The following ZNF836 variants were observed in gnomAD, a reference collection of about 807,000 sequenced individuals.
The protein encoded by ZNF836 is zinc finger protein 836.
Under a neutral mutation model 7.4 loss-of-function variants are expected in ZNF836, and 12 were observed. The observed-to-expected ratio is 1.61, with a 90% CI of 1.03 to 2.61. The LOEUF (loss-of-function observed/expected upper bound fraction) is 2.61. Ranked by LOEUF, ZNF836 falls within the 30% of genes most tolerant of loss-of-function variation. ZNF836 has a pLI of 0.00. For missense variants in ZNF836, 998 were observed against 1,126.2 expected, an observed-to-expected ratio of 0.89 and a Z score of 1.63; for synonymous variants, 365 against 382.6, an observed-to-expected ratio of 0.95 and a Z score of 0.54.
rs757835713 is a variant in ZNF836 at position 52,156,444 on chromosome 19, A to G, written c.1239T>C (p.Pro413=). 1 of 1,614,034 alleles carries G rather than the reference A, an allele frequency of 6.2e-7. No individual in the cohort carries two copies. Among genetic ancestry groups the G allele is most frequent in the Non-Finnish European group, 8.5e-7 (1 of 1,180,012 alleles). The change falls in exon 5 of 5, where the codon CCT becomes CCC. Residue 413 remains proline (P), a synonymous_variant. Coordinates refer to ENST00000682614, the MANE Select transcript of ZNF836 (RefSeq NM_001102657.3). ...THQTVHSGNK[P]YKCDECGKTF... ...TTTTGCCACACTCATCACATTTGTA[A>G]GGTTTGTTTCCACTATGAACTGTCT...
At position 52,160,562 on chromosome 19, in the gene ZNF836, T is replaced by C; in HGVS notation, c.45A>G (p.Ile15Met). Residue 15 changes from isoleucine (I) to methionine (M), a missense_variant, in exon 4 of 5, where the codon ATA becomes ATG. By Grantham distance (10) the Ile-to-Met change is conservative. Transcript: ENST00000682614. The stretch of plus-strand genomic sequence containing the variant: ...ATTTCCACTCCTCCTGAGAGAATTC[T>C]ATGGCTACATCCCTGAATGTCAAAG... ...QGPLTFRDVAIEFSQEEWKSL... is the reference protein window; with the variant it reads ...QGPLTFRDVAMEFSQEEWKSL... The C allele has an allele frequency of 6.2e-7, 1 of 1,613,354 alleles. No homozygotes were observed. Among genetic ancestry groups the C allele is most frequent in the South Asian group, 1.1e-5 (1 of 90,824 alleles).
chr19:52,159,484 A>G (rs1414870776), intron 4 of ZNF836, among the ~76,000 whole-genome samples: 2 of 152,206 alleles, frequency 1.3e-5, no homozygotes, highest in Non-Finnish European at 2.9e-5. Flanking sequence ...ATAACTGGTC[A>G]CTCCAAATAC....
chr19:52,154,731 G>A lies in ZNF836; in HGVS notation c.*141C>T, dbSNP rs1452904076. 22 of 728,774 alleles carry A rather than the reference G, an allele frequency of 3.0e-5. No homozygotes were observed. In the East Asian group the frequency reaches 5.1e-4, roughly 17 times the overall value. 45.1% of individuals were successfully genotyped at this position (728,774 alleles called of 1,614,324 possible). A position where few individuals can be genotyped will look rare whatever the true frequency, so the allele number is the denominator to read the frequency against. ...TCCCAAGAAGAGCAAAAAGCGGGTGGTGCTAAACCATTCTTGAGAAATCCA... is the reference window on the plus strand; with the variant it reads ...TCCCAAGAAGAGCAAAAAGCGGGTGATGCTAAACCATTCTTGAGAAATCCA... On this transcript the variant is annotated 3_prime_UTR_variant, in exon 5 of 5. Transcript: ENST00000682614.
At chr19:52,169,620 G>T (rs1031555180) in intron 2 of ZNF836, 28 bp downstream of exon 2, 1 of 151,840 alleles carries the variant, frequency 6.6e-6, no homozygotes, top group Non-Finnish European at 1.5e-5. Flanking sequence ...AAAAAAATAA[G>T]ACTCTGAATA....
chr19:52,157,535 G>A lies in ZNF836; in HGVS notation c.148C>T (p.Leu50Phe). Residue 50 changes from leucine (L) to phenylalanine (F), a missense_variant, in exon 5 of 5, where the codon CTT becomes TTT. By Grantham distance (22) the Leu-to-Phe change is conservative (BLOSUM62 0). Transcript: ENST00000682614. ...AATTCCTTGGTCATACATTTAGGAAGGATACCTACAAAATATAATGAACAT... is the reference window on the plus strand; with the variant it reads ...AATTCCTTGGTCATACATTTAGGAAAGATACCTACAAAATATAATGAACAT... ...NYRNLVFLGI[L>F]PKCMTKELPP... 1 of 1,500,076 alleles carries A rather than the reference G, an allele frequency of 6.7e-7. No individual in the cohort carries two copies. Among genetic ancestry groups the A allele is most frequent in the Non-Finnish European group, 8.9e-7 (1 of 1,129,782 alleles). 92.9% of individuals were successfully genotyped at this position (1,500,076 alleles called of 1,614,324 possible).
intron 3 of ZNF836, among the ~76,000 whole-genome samples, chr19:52,163,599 C>T (rs1312556332): frequency 6.6e-6 from 1 of 152,038 alleles, no homozygotes; most frequent in African/African-American, 2.4e-5. Flanking sequence ...ATGGTGAAAC[C>T]CCGTCTCTAC....
At position 52,156,227 on chromosome 19, in the gene ZNF836, C is replaced by A. The variant is rs755864983; in HGVS notation, c.1456G>T (p.Val486Leu). The A allele has an allele frequency of 1.2e-6, 2 of 1,613,980 alleles. No individual in the cohort carries two copies. The highest frequency in any genetic ancestry group is 1.3e-5 in the African/African-American group (1 of 74,892). Residue 486 changes from valine to leucine, a missense_variant, in exon 5 of 5, where the codon GTG (valine) becomes TTG (leucine). By Grantham distance (32) the Val-to-Leu change is conservative (BLOSUM62 1). Coordinates refer to ENST00000682614, the MANE Select transcript of ZNF836 (RefSeq NM_001102657.3). ...CCAGTATGAATTCTCCGATGCCCCA[C>A]AAGATGTGAAGTCTGACTGAAGACC... ...GKVFSQTSHL[V>L]GHRRIHTGEK...
Position 52,156,190 on chromosome 19 carries a change from TA to T in ZNF836, c.1492del (p.Tyr498ThrfsTer21). On this transcript the variant is annotated frameshift_variant, in exon 5 of 5. Transcript: ENST00000682614. LOFTEE classifies it low-confidence loss of function (END_TRUNC). ...HRRIHTGEKP[Y>X]KCDKCGKAFK... Reference sequence around the variant, plus strand: ...GGCTTTACCACATTTATCACATTTGTAAGGTTTCTCTCCAGTATGAATTCTC... The same window carrying T: ...GGCTTTACCACATTTATCACATTTGTAGGTTTCTCTCCAGTATGAATTCTC... 1 of 1,614,204 alleles carries T rather than the reference TA, an allele frequency of 6.2e-7. No individual in the cohort carries two copies. The highest frequency in any genetic ancestry group is 8.5e-7 in the Non-Finnish European group (1 of 1,180,036).
rs1249747360 is a variant in ZNF836, at chr19:52,157,126, C to T, written c.557G>A (p.Ser186Asn). Residue 186 changes from serine to asparagine, a missense_variant, in exon 5 of 5, where the codon AGT (serine) becomes AAT (asparagine). Coordinates refer to ENST00000682614, the MANE Select transcript of ZNF836 (RefSeq NM_001102657.3). ...LVSPLQRILPSVQTNISKKYE... is the reference protein window; with the variant it reads ...LVSPLQRILPNVQTNISKKYE... ...TTTTTTAGAAATGTTGGTTTGGACA[C>T]TAGGAAGAATTCTTTGAAGTGGTGA... 1.2e-6 allele frequency: 2 copies of T among 1,613,524 alleles called. No individual in the cohort carries two copies. The highest frequency in any genetic ancestry group is 8.5e-7 in the Non-Finnish European group (1 of 1,179,640).
chr19:52,160,503 T>A lies in ZNF836; in HGVS notation c.104A>T (p.Asp35Val). Reference protein sequence around the residue: ...LDPVQKALYWDVMLENYRNLV... With the variant: ...LDPVQKALYWVVMLENYRNLV... ...GTTCCTGTAGTTCTCCAACATCACA[T>A]CCCAGTACAAAGCTTTCTGCACAGG... Residue 35 changes from aspartate to valine, a missense_variant, in exon 4 of 5, where the codon GAT becomes GTT. Physicochemically the swap from Asp to Val is radical, Grantham distance 152. Transcript: ENST00000682614. 6.2e-7 allele frequency: 1 copy of A among 1,614,138 alleles called. No homozygotes were observed.
At position 52,156,503 on chromosome 19, in the gene ZNF836, A is replaced by G. The variant is rs771209072; in HGVS notation, c.1180T>C (p.Ser394Pro). The G allele has an allele frequency of 1.2e-6, 2 of 1,613,852 alleles. No individual in the cohort carries two copies. Among genetic ancestry groups the G allele is most frequent in the East Asian group, 4.5e-5 (2 of 44,844 alleles). Residue 394 changes from serine to proline, a missense_variant, in exon 5 of 5, where the codon TCC becomes CCC. By Grantham distance (74) the Ser-to-Pro change is moderately conservative. Transcript: ENST00000682614. ...KPYKCNICGK[S>P]FSQSSNLATH... is the part of the protein sequence containing the mutation. ...GCCAGGTTGGAACTTTGACTAAAGG[A>G]CTTTCCACATATGTTGCATTTGTAT...
In ZNF836 at chr19:52,155,979, G is replaced by T. The variant is rs746777754; in HGVS notation, c.1704C>A (p.Asn568Lys). The T allele has an allele frequency of 1.1e-5, 17 of 1,613,934 alleles. No homozygotes were observed. The highest frequency in any genetic ancestry group is 1.4e-5 in the Non-Finnish European group (16 of 1,179,882). The change falls in exon 5 of 5, where the codon AAC becomes AAA. Residue 568 changes from asparagine (N) to lysine (K), a missense_variant. Coordinates refer to ENST00000682614, the MANE Select transcript of ZNF836 (RefSeq NM_001102657.3). ...VCGKVFNYSG[N>K]LSIHKRIHTG... ...TATGTATTCTCTTATGAATTGAAAGGTTTCCACTGTAATTGAAGACCTTGC... is the reference window on the plus strand; with the variant it reads ...TATGTATTCTCTTATGAATTGAAAGTTTTCCACTGTAATTGAAGACCTTGC...
chr19:52,165,604 G>A (rs1435739528), intron 3 of ZNF836, among the ~76,000 whole-genome samples: 1 of 152,180 alleles, frequency 6.6e-6, no homozygotes, highest in East Asian at 1.9e-4. Context: ...AGGGATGGTG[G>A]ATGATGTGAT....
chr19:52,161,892 C>G lies in ZNF836; in HGVS notation c.16-1301G>C, dbSNP rs78219002. Among the ~76,000 whole-genome samples, 1 of 152,096 alleles carries G rather than the reference C, an allele frequency of 6.6e-6. No homozygotes were observed. The highest frequency in any genetic ancestry group is 2.4e-5 in the African/African-American group (1 of 41,426). ...CTAGTTGTGAACCTATGAAAGCAAACGAGTTATGTGCTTCCAAAATACAAT... is the reference window on the plus strand; with the variant it reads ...CTAGTTGTGAACCTATGAAAGCAAAGGAGTTATGTGCTTCCAAAATACAAT... On this transcript the variant is annotated intron_variant, in intron 3 of 4. Coordinates refer to ENST00000682614, the MANE Select transcript of ZNF836 (RefSeq NM_001102657.3). This position sits in a 1 kb window ranked among gnomAD's most constrained non-coding sequence, Gnocchi z 4.1.
rs11671234 is a variant in ZNF836, at chr19:52,161,574, T to C, written c.16-983A>G. On this transcript the variant is annotated intron_variant, in intron 3 of 4. Transcript: ENST00000682614. This position sits in a 1 kb window ranked among gnomAD's most constrained non-coding sequence, Gnocchi z 4.1. ...TAAAGGCAGACTTCTCATGATCCAA[T>C]CTCCTCCTAAAGGCCACGACTCATA... Among the ~76,000 whole-genome samples, 1,610 of 151,010 alleles carry C rather than the reference T, an allele frequency of 0.011. 28 individuals are homozygous for C. The highest frequency in any genetic ancestry group is 0.071 in the East Asian group (366 of 5,126).
chr19:52,162,022 T>C (rs1444033782), intron 3 of ZNF836, among the ~76,000 whole-genome samples: 3 of 152,172 alleles, frequency 2.0e-5, no homozygotes, highest in Non-Finnish European at 4.4e-5. Context: ...GCATACACAT[T>C]AAACACTAAG....
Position 52,171,538 on chromosome 19 carries a change from C to T in ZNF836, c.-417G>A, listed in dbSNP as rs1261061931. 6.6e-6 allele frequency: 1 copy of T among 152,236 alleles called. No individual in the cohort carries two copies. The highest frequency in any genetic ancestry group is 1.5e-5 in the Non-Finnish European group (1 of 68,080). 9.4% of individuals were successfully genotyped at this position (152,236 alleles called of 1,614,324 possible). A position where few individuals can be genotyped will look rare whatever the true frequency, so the allele number is the denominator to read the frequency against. The stretch of plus-strand genomic sequence containing the variant: ...CTGCTTCCGGGTGTGCAGGAAGCTA[C>T]ACGCCCTGAGAAAAAAGACTGAGAG... On this transcript the variant is annotated 5_prime_UTR_variant, in exon 1 of 5. Coordinates refer to ENST00000682614, the MANE Select transcript of ZNF836 (RefSeq NM_001102657.3).
Position 52,157,386 on chromosome 19 carries a change from C to T in ZNF836, c.297G>A (p.Glu99=). The stretch of plus-strand genomic sequence containing the variant: ...TTATTTCACCATCTTTCCATTGAAA[C>T]TCAAGGTCCTGTAGATTTTTCTGGA... The part of the protein sequence containing the change: ...REIQKNLQDL[E]FQWKDGEINY... The change falls in exon 5 of 5, where the codon GAG becomes GAA. Residue 99 remains glutamate, a synonymous_variant. Coordinates refer to ENST00000682614, the MANE Select transcript of ZNF836 (RefSeq NM_001102657.3). 1.2e-6 allele frequency: 2 copies of T among 1,608,956 alleles called. No homozygotes were observed. Among genetic ancestry groups the T allele is most frequent in the Non-Finnish European group, 1.7e-6 (2 of 1,178,806 alleles).
chr19:52,164,170 T>C (rs899238334), intron 3 of ZNF836, among the ~76,000 whole-genome samples: 1 of 151,610 alleles, frequency 6.6e-6, no homozygotes, highest in African/African-American at 2.4e-5. Context: ...GGAGGGCAAA[T>C]CACCTGAGGT....
Sources: allele counts gnomAD v4.1 joint callset (sites outside exome capture counted in the v4.1 genomes callset), GRCh38; gene constraint gnomAD v4.1.1; non-coding constraint Gnocchi (gnomAD v3.1); transcripts MANE v1.5; gene names NCBI Gene and HGNC (gene_info 2026-07-23, HGNC 2026-07-21).